GPR39: variants seen among roughly 807,000 people sequenced by gnomAD.
GPR39 encodes zinc sensing receptor.
In GPR39, 23 loss-of-function variants were observed where a neutral mutation model predicts 18.4. The ratio of observed to expected loss-of-function variants is 1.25; its 90% CI spans 0.90 to 1.77. The LOEUF (loss-of-function observed/expected upper bound fraction) is 1.77. GPR39 is among the 40% of genes most tolerant of loss of function. The pLI, the probability that GPR39 is intolerant of heterozygous loss-of-function variation, is 0.00. For synonymous variants in GPR39, 280 were observed against 257.9 expected, an observed-to-expected ratio of 1.09 and a Z score of -0.82; for missense variants, 647 against 602.4, an observed-to-expected ratio of 1.07 and a Z score of -0.78.
chr2:132,556,927 G>T (rs1680162343), intron 1 of GPR39, among the ~76,000 whole-genome samples: 1 of 152,130 alleles, frequency 6.6e-6, no homozygotes, highest in Non-Finnish European at 1.5e-5. Context: ...GCCCAGTGAG[G>T]GTATAATGTC....
chr2:132,631,838 T>C (rs1001041356), intron 1 of GPR39, among the ~76,000 whole-genome samples: 1 of 151,566 alleles, frequency 6.6e-6, no homozygotes, highest in Non-Finnish European at 1.5e-5. Flanking sequence ...TTTTTTTTTT[T>C]CTGAGACTGA....
intron 1 of GPR39, among the ~76,000 whole-genome samples, chr2:132,593,943 C>T (rs1379857606): frequency 6.6e-6 from 1 of 152,312 alleles, no homozygotes; most frequent in Non-Finnish European, 1.5e-5. Context: ...TGCCTAGAAA[C>T]TCATTCCTCC....
intron 1 of GPR39, among the ~76,000 whole-genome samples, chr2:132,635,337 C>T (rs976719565): frequency 6.6e-6 from 1 of 152,182 alleles, no homozygotes; most frequent in African/African-American, 2.4e-5. Flanking sequence ...ATGTTGCCCT[C>T]CTTGAATTTC....
In GPR39 at chr2:132,489,534, T is replaced by C. The variant is rs1681416373; in HGVS notation, c.856+71636T>C. Among the ~76,000 whole-genome samples, 3 of 151,976 alleles carry C rather than the reference T, an allele frequency of 2.0e-5. No homozygotes were observed. The South Asian group carries it at 6.2e-4, about 31-fold the overall frequency. On this transcript the variant is annotated intron_variant, in intron 1 of 1. Coordinates refer to ENST00000329321, the MANE Select transcript of GPR39 (RefSeq NM_001508.3). ...TCCCGGAGGACTTTTTGATGAGCCT[T>C]TAGAGTACTCTGTGAACTTCATTTT...
At chr2:132,620,518 G>A (rs972795950) in intron 1 of GPR39, among the ~76,000 whole-genome samples, 27 of 152,116 alleles carry the variant, frequency 1.8e-4, no homozygotes, top group Non-Finnish European at 3.8e-4. Flanking sequence ...CCCTGTGTCA[G>A]GTCTGGGCTC....
At chr2:132,556,454 C>A (rs1201840880) in intron 1 of GPR39, among the ~76,000 whole-genome samples, 1 of 152,166 alleles carries the variant, frequency 6.6e-6, no homozygotes, top group Non-Finnish European at 1.5e-5. Flanking sequence ...CCCCAGTACA[C>A]CATTGGCTCT....
intron 1 of GPR39, among the ~76,000 whole-genome samples, chr2:132,470,240 T>G (rs2104782574): frequency 6.6e-6 from 1 of 152,190 alleles, no homozygotes; most frequent in Middle Eastern, 3.4e-3. Flanking sequence ...AGAGCAGAGG[T>G]GTGAGACTGC....
At chr2:132,505,510 A>G (rs1679119240) in intron 1 of GPR39, among the ~76,000 whole-genome samples, 1 of 152,154 alleles carries the variant, frequency 6.6e-6, no homozygotes, top group African/African-American at 2.4e-5. Flanking sequence ...ATCTAACTCT[A>G]TGTTTGTACT....
intron 1 of GPR39, among the ~76,000 whole-genome samples, chr2:132,621,846 C>A (rs1196446283): frequency 6.6e-6 from 1 of 152,192 alleles, no homozygotes; most frequent in Non-Finnish European, 1.5e-5. Flanking sequence ...ACATTGCAGC[C>A]TTCTGGTTCC....
intron 1 of GPR39, chr2:132,433,719 T>C (rs1680262776): frequency 6.7e-6 from 1 of 149,570 alleles, no homozygotes; most frequent in African/African-American, 2.4e-5. Flanking sequence ...GCAAGAAGTA[T>C]TTTGCAAAAA....
intron 1 of GPR39, among the ~76,000 whole-genome samples, chr2:132,596,442 G>T (rs559201967): frequency 8.2e-4 from 125 of 152,048 alleles, no homozygotes; most frequent in African/African-American, 2.7e-3. Context: ...GAGTTTACTT[G>T]CTTTCTCTTT....
intron 1 of GPR39, among the ~76,000 whole-genome samples, chr2:132,628,549 C>T (rs72844714): frequency 6.6e-6 from 1 of 152,094 alleles, no homozygotes; most frequent in East Asian, 1.9e-4. Context: ...GGCTTTAGAG[C>T]GACCTGAAAC....
chr2:132,645,244 T>C lies in GPR39; in HGVS notation c.1000T>C (p.Tyr334His). 6.2e-7 allele frequency: 1 copy of C among 1,614,192 alleles called. No homozygotes were observed. Among genetic ancestry groups the C allele is most frequent in the Non-Finnish European group, 8.5e-7 (1 of 1,180,032 alleles). ...ILLPFSETFF[Y>H]LSSVINPLLY... Reference sequence around the variant, plus strand: ...CCTCCCCTTCTCGGAGACGTTTTTCTACCTCAGCTCGGTCATCAACCCGCT... The same window carrying C: ...CCTCCCCTTCTCGGAGACGTTTTTCCACCTCAGCTCGGTCATCAACCCGCT... The change falls in exon 2 of 2, where the codon TAC becomes CAC. Residue 334 changes from tyrosine (Y) to histidine (H), a missense_variant. By Grantham distance (83) the Tyr-to-His change is moderately conservative. Around this residue, in one of 3 missense-constraint regions of GPR39, gnomAD observed 581 missense variants for 506.8 expected, o/e 1.15. Coordinates refer to ENST00000329321, the MANE Select transcript of GPR39 (RefSeq NM_001508.3).
chr2:132,549,920 C>G (rs1680013184), intron 1 of GPR39, among the ~76,000 whole-genome samples: 1 of 152,140 alleles, frequency 6.6e-6, no homozygotes. Flanking sequence ...TTTTGTGATG[C>G]TCATAAACAA....
chr2:132,626,531 C>T (rs13387576), intron 1 of GPR39, among the ~76,000 whole-genome samples: 2,915 of 152,200 alleles, frequency 0.019, 89 homozygotes, highest in African/African-American at 0.066. Flanking sequence ...AAACAAGAAC[C>T]AAGTAAATAA....
intron 1 of GPR39, among the ~76,000 whole-genome samples, chr2:132,460,669 C>T (rs1304729286): frequency 6.6e-6 from 1 of 151,874 alleles, no homozygotes; most frequent in Non-Finnish European, 1.5e-5. Context: ...GGAAGGTGTG[C>T]TTAAAACATG....
intron 1 of GPR39, among the ~76,000 whole-genome samples, chr2:132,537,832 G>A (rs2872943): frequency 1.3e-5 from 2 of 151,244 alleles, no homozygotes; most frequent in African/African-American, 2.4e-5. Flanking sequence ...CTGCTTGATC[G>A]ATTCGACTAT....
intron 1 of GPR39, among the ~76,000 whole-genome samples, chr2:132,538,198 C>G (rs982637751): frequency 1.3e-5 from 2 of 152,152 alleles, no homozygotes; most frequent in Non-Finnish European, 2.9e-5. Flanking sequence ...TACCTTTTAT[C>G]TTTGAGGCTG....
chr2:132,457,124 T>C (rs1162185463), intron 1 of GPR39, among the ~76,000 whole-genome samples: 1 of 152,214 alleles, frequency 6.6e-6, no homozygotes, highest in Non-Finnish European at 1.5e-5. Flanking sequence ...ACAAATCAAA[T>C]GTAGATTTGA....
Sources: gnomAD v4.1 joint callset for allele counts (sites outside exome capture counted in the v4.1 genomes callset) on GRCh38, gnomAD v4.1.1 for gene constraint, gnomAD v4.1.1 regional missense constraint, MANE v1.5 for transcripts, NCBI Gene and HGNC (gene_info 2026-07-23, HGNC 2026-07-21) for gene names.